Variants in CCDC13 observed in about 807,000 individuals in gnomAD.
CCDC13 encodes the protein coiled-coil domain-containing protein 13.
Under a neutral mutation model 87.3 loss-of-function variants are expected in CCDC13, and 70 were observed. That is an observed-to-expected ratio of 0.80 (90% CI 0.66 to 0.98). The LOEUF (loss-of-function observed/expected upper bound fraction) is 0.98, where lower values mean the gene tolerates loss of function less well. Ranked by LOEUF, CCDC13 falls within the 50% of genes least tolerant of loss-of-function variation. The pLI, the probability that CCDC13 is intolerant of heterozygous loss-of-function variation, is 0.00. For synonymous variants in CCDC13, 317 were observed against 360.3 expected (o/e 0.88, Z 1.36); for missense variants, 842 against 892.0 (o/e 0.94, Z 0.71).
chr3:42,751,895 G>C, intron 5 of CCDC13, 41 bp downstream of exon 5: 1 of 1,573,576 alleles, frequency 6.4e-7, no homozygotes, highest in Non-Finnish European at 8.7e-7. Context: ...CCAGGCCCAT[G>C]GCTGCCTCAC....
At chr3:42,739,886 C>A in intron 8 of CCDC13, 76 bp from the exon 9 acceptor site, 2 of 1,413,056 alleles carry the variant, frequency 1.4e-6, no homozygotes, top group African/African-American at 1.4e-5. Flanking sequence ...GGCTCCTACT[C>A]AATGGCAAGG....
At chr3:42,743,587 T>TTATATATATATA (rs1553690701) in intron 7 of CCDC13, among the ~76,000 whole-genome samples, 11 of 97,650 alleles carry the variant, frequency 1.1e-4, no homozygotes, top group African/African-American at 3.0e-4. Context: ...CTGGATAATT[T>TTATATATATATA]TATATATATA....
intron 3 of CCDC13, among the ~76,000 whole-genome samples, chr3:42,756,504 A>G (rs1699706583): frequency 6.6e-6 from 1 of 151,902 alleles, no homozygotes; most frequent in Non-Finnish European, 1.5e-5. Context: ...GGGTCCCATG[A>G]TATCCTCCTA....
chr3:42,732,777 CT>C (rs1191097494), intron 12 of CCDC13, 109 bp downstream of exon 12: 1 of 919,556 alleles, frequency 1.1e-6, no homozygotes, highest in Admixed American at 2.3e-5. Flanking sequence ...GGAAGAGTCC[CT>C]GGACTTTGCC....
Position 42,707,531 on chromosome 3 carries a change from C to T in CCDC13, c.*1449G>A, listed in dbSNP as rs923611107. 2.6e-5 allele frequency among the ~76,000 whole-genome samples: 4 copies of T among 152,218 alleles called. No homozygotes were observed. Among genetic ancestry groups the T allele is most frequent in the Admixed American group, 2.6e-4 (4 of 15,288 alleles). ...GCTGAGAAGACAGGGTCCCAGGAGC[C>T]GCAGTGGCTTTTCCAAGGAAGGAGC... On this transcript the variant is annotated 3_prime_UTR_variant, in exon 16 of 16. Transcript: ENST00000310232.
At position 42,745,978 on chromosome 3, in the gene CCDC13, G is replaced by T. The variant is rs1559653375; in HGVS notation, c.770C>A (p.Ser257Tyr). 1.2e-6 allele frequency: 2 copies of T among 1,614,198 alleles called. No homozygotes were observed. Among genetic ancestry groups the T allele is most frequent in the Non-Finnish European group, 1.7e-6 (2 of 1,180,040 alleles). ...CCGACCCCTCCAGGTCCCTGGCGAAGATAGGAGCTGCTGAACGTTGATGTC... is the reference window on the plus strand; with the variant it reads ...CCGACCCCTCCAGGTCCCTGGCGAATATAGGAGCTGCTGAACGTTGATGTC... ...GEDINVQQLL[S>Y]SPGTWRGRAQ... The change falls in exon 7 of 16, where the codon TCT becomes TAT. Residue 257 changes from serine to tyrosine, a missense_variant. By Grantham distance (144) the Ser-to-Tyr change is moderately radical. Transcript: ENST00000310232.
At chr3:42,718,196 T>C (rs1260075410) in intron 13 of CCDC13, 1 of 152,164 alleles carries the variant, frequency 6.6e-6, no homozygotes, top group East Asian at 1.9e-4. Flanking sequence ...AAGACCCTGC[T>C]GATAGAACAG....
intron 8 of CCDC13, among the ~76,000 whole-genome samples, chr3:42,742,383 C>T (rs901218119): frequency 2.6e-5 from 4 of 152,136 alleles, no homozygotes; most frequent in African/African-American, 7.2e-5. Context: ...AGCAAGGCCC[C>T]GATCTGCACC....
At position 42,706,141 on chromosome 3, in the gene CCDC13, G is replaced by C. The variant is rs1236832278; in HGVS notation, c.*2839C>G. ...TCACCTCTAGGTCCCTCCCAGGCCT[G>C]GAGAGGCTGGCATGCTGTTGGCACT... On this transcript the variant is annotated 3_prime_UTR_variant, in exon 16 of 16. Coordinates refer to ENST00000310232, the MANE Select transcript of CCDC13 (RefSeq NM_144719.4). The C allele has an allele frequency of 6.6e-6, 1 of 152,358 alleles. No individual in the cohort carries two copies. The highest frequency in any genetic ancestry group is 1.5e-5 in the Non-Finnish European group (1 of 68,142). 9.4% of individuals were successfully genotyped at this position (152,358 alleles called of 1,614,324 possible). A position where few individuals can be genotyped will look rare whatever the true frequency, so the allele number is the denominator to read the frequency against.
intron 13 of CCDC13, among the ~76,000 whole-genome samples, chr3:42,727,616 A>G (rs1698719635): frequency 6.6e-6 from 1 of 152,202 alleles, no homozygotes; most frequent in South Asian, 2.1e-4. Flanking sequence ...GTTTAATTTC[A>G]GGGTTTAAAA....
chr3:42,748,865 C>T (rs1275070539), intron 5 of CCDC13, among the ~76,000 whole-genome samples: 1 of 152,178 alleles, frequency 6.6e-6, no homozygotes, highest in African/African-American at 2.4e-5. Context: ...AAGCGATTCT[C>T]CTGCCTCAGC....
intron 13 of CCDC13, among the ~76,000 whole-genome samples, chr3:42,722,642 C>G (rs1314462189): frequency 6.6e-6 from 1 of 152,144 alleles, no homozygotes; most frequent in Non-Finnish European, 1.5e-5. Flanking sequence ...ATGGCAACAT[C>G]AGGAAGTTAC....
intron 10 of CCDC13, among the ~76,000 whole-genome samples, chr3:42,734,293 A>T (rs1226983798): frequency 6.6e-6 from 1 of 152,146 alleles, no homozygotes; most frequent in Non-Finnish European, 1.5e-5. Context: ...TCTGGTGGGT[A>T]ATGCTTGGCC....
At chr3:42,762,906 G>A (rs945861676) in intron 1 of CCDC13, among the ~76,000 whole-genome samples, 4 of 152,068 alleles carry the variant, frequency 2.6e-5, no homozygotes, top group African/African-American at 7.2e-5. Context: ...CTGTGATCGC[G>A]CCACTGCACT....
chr3:42,736,911 TTTG>T (rs374353827), intron 9 of CCDC13, among the ~76,000 whole-genome samples: 1 of 152,174 alleles, frequency 6.6e-6, no homozygotes. Flanking sequence ...AGTTTTTGTT[TTTG>T]TTGTTGTTGT....
At chr3:42,758,093 A>ACACACG (rs1699746531) in intron 2 of CCDC13, 32 bp downstream of exon 2, 4 of 1,500,446 alleles carry the variant, frequency 2.7e-6, no homozygotes, top group South Asian at 1.1e-5. Flanking sequence ...ACACACACAC[A>ACACACG]CACCCCTGAG....
intron 13 of CCDC13, among the ~76,000 whole-genome samples, chr3:42,714,920 G>C (rs948591750): frequency 2.0e-5 from 3 of 152,174 alleles, no homozygotes; most frequent in Admixed American, 6.5e-5. Flanking sequence ...TCATACTATA[G>C]AACGTGATAG....
intron 12 of CCDC13, 140 bp downstream of exon 12, chr3:42,732,746 TC>T: frequency 1.4e-6 from 1 of 698,230 alleles, no homozygotes; most frequent in Non-Finnish European, 2.4e-6. Flanking sequence ...TCCCTGATCC[TC>T]CCTGTCTTTA....
intron 1 of CCDC13, among the ~76,000 whole-genome samples, chr3:42,762,898 G>A (rs116823901): frequency 0.011 from 1,636 of 152,266 alleles, 33 homozygotes; most frequent in African/African-American, 0.038. Context: ...ACAATGAGCT[G>A]TGATCGCGCC....
Sources: allele counts gnomAD v4.1 joint callset (sites outside exome capture counted in the v4.1 genomes callset), GRCh38; gene constraint gnomAD v4.1.1; transcripts MANE v1.5; gene names NCBI Gene and HGNC (gene_info 2026-07-23, HGNC 2026-07-21).